Variants in CDH6 observed in about 807,000 individuals in gnomAD.
CDH6 encodes cadherin 6.
A neutral mutation model predicts 78.0 loss-of-function variants in CDH6; 31 were observed. The ratio of observed to expected loss-of-function variants is 0.40; its 90% CI spans 0.30 to 0.54. The LOEUF is 0.54. Ranked by LOEUF, CDH6 falls within the 20% of genes least tolerant of loss-of-function variation. The pLI, the probability that CDH6 is intolerant of heterozygous loss-of-function variation, is 0.56. For synonymous variants in CDH6, 376 were observed against 368.8 expected (o/e 1.02, Z -0.23); for missense variants, 724 against 975.9 (o/e 0.74, Z 3.44).
At chr5:31,322,336 G>GT (rs1192469733) in intron 11 of CDH6, among the ~76,000 whole-genome samples, 3 of 147,778 alleles carry the variant, frequency 2.0e-5, no homozygotes, top group Non-Finnish European at 4.4e-5. Context: ...CTTTTCTCAG[G>GT]TAAAAAAAAA....
In CDH6 at chr5:31,293,984, G is replaced by A. The variant is rs1388640262; in HGVS notation, c.251G>A (p.Gly84Glu). ...TAGTTACATTCAGACCAGGATAGAG[G>A]AGATGGATCACTTAAATATATCCTT... ...VGKLHSDQDR[G>E]DGSLKYILSG... Residue 84 changes from glycine to glutamate, a missense_variant, in exon 3 of 12, where the codon GGA becomes GAA. By Grantham distance (98) the Gly-to-Glu change is moderately conservative. Transcript: ENST00000265071. 6 of 1,609,432 alleles carry A rather than the reference G, an allele frequency of 3.7e-6. No individual in the cohort carries two copies. Among genetic ancestry groups the A allele is most frequent in the South Asian group, 3.3e-5 (3 of 90,928 alleles).
chr5:31,198,727 A>G (rs561191489), intron 1 of CDH6, among the ~76,000 whole-genome samples: 1 of 152,234 alleles, frequency 6.6e-6, no homozygotes, highest in Admixed American at 6.5e-5. Flanking sequence ...TAGAAATAGA[A>G]TCAAAATTGC....
chr5:31,207,903 G>C (rs578208306), intron 1 of CDH6, among the ~76,000 whole-genome samples: 1 of 152,272 alleles, frequency 6.6e-6, no homozygotes, highest in African/African-American at 2.4e-5. Context: ...TGACCTTGGT[G>C]CCTGTTGGGG....
intron 1 of CDH6, among the ~76,000 whole-genome samples, chr5:31,199,520 A>G (rs1311546634): frequency 1.0e-5 from 1 of 98,400 alleles, no homozygotes; most frequent in Non-Finnish European, 2.4e-5. Context: ...ATATGTACAC[A>G]CACATATGTG....
In CDH6 at chr5:31,317,853, C is replaced by A; in HGVS notation, c.1811C>A (p.Ala604Glu). 6.2e-7 allele frequency: 1 copy of A among 1,614,018 alleles called. No individual in the cohort carries two copies. Among genetic ancestry groups the A allele is most frequent in the Non-Finnish European group, 8.5e-7 (1 of 1,179,938 alleles). ...AACATGCAATCCTGCCATGCGGAGG[C>A]GCTCATCCACCCCACGGGACTGAGC... ...HGNMQSCHAE[A>E]LIHPTGLSTG... is the part of the protein sequence containing the mutation. Residue 604 changes from alanine to glutamate, a missense_variant, in exon 11 of 12, where the codon GCG becomes GAG. Physicochemically the swap from Ala to Glu is moderately radical, Grantham distance 107. This residue lies in a region of CDH6 where 220 missense variants were observed against 240.6 expected (regional missense o/e 0.91). Transcript: ENST00000265071.
At chr5:31,266,674 G>A (rs1742367173) in intron 1 of CDH6, among the ~76,000 whole-genome samples, 1 of 152,040 alleles carries the variant, frequency 6.6e-6, no homozygotes, top group South Asian at 2.1e-4. Context: ...TTTGGGAAAT[G>A]CTGGATTAAA....
At chr5:31,300,643 A>G (rs1308294197) in intron 5 of CDH6, among the ~76,000 whole-genome samples, 1 of 152,186 alleles carries the variant, frequency 6.6e-6, no homozygotes. Context: ...CTACTTTTTA[A>G]TATGGAGATT....
At chr5:31,268,574 A>G (rs1742427375) in intron 2 of CDH6, among the ~76,000 whole-genome samples, 1 of 152,338 alleles carries the variant, frequency 6.6e-6, no homozygotes. Flanking sequence ...TGTGCCTCAT[A>G]AGGTAATGTT....
In CDH6 at chr5:31,233,527, C is replaced by A. The variant is rs868380425; in HGVS notation, c.-128-33819C>A. On this transcript the variant is annotated intron_variant, in intron 1 of 11. Coordinates refer to ENST00000265071, the MANE Select transcript of CDH6 (RefSeq NM_004932.4). ...GGGACTCTGTCTCAAAAAAAAAAAACAAAACAAAAACTTTGCTTATCATAT... is the reference window on the plus strand; with the variant it reads ...GGGACTCTGTCTCAAAAAAAAAAAAAAAAACAAAAACTTTGCTTATCATAT... 4.9e-3 allele frequency among the ~76,000 whole-genome samples: 389 copies of A among 79,382 alleles called. 4 individuals carry two copies. The highest frequency in any genetic ancestry group is 0.016 in the African/African-American group (369 of 22,544). The allele number at this position is 79,382 out of a possible 152,430, so 52.1% of individuals were successfully genotyped here. A position where few individuals can be genotyped will look rare whatever the true frequency, so the allele number is the denominator to read the frequency against.
At position 31,324,340 on chromosome 5, in the gene CDH6, TTA is replaced by T; in HGVS notation, c.*1033_*1034del. 4.7e-6 allele frequency: 1 copy of T among 213,786 alleles called. No homozygotes were observed. Among genetic ancestry groups the T allele is most frequent in the South Asian group, 1.9e-4 (1 of 5,352 alleles). The allele number at this position is 213,786 out of a possible 1,614,324, so 13.2% of individuals were successfully genotyped here. A position where few individuals can be genotyped will look rare whatever the true frequency, so the allele number is the denominator to read the frequency against. On this transcript the variant is annotated 3_prime_UTR_variant, in exon 12 of 12. Transcript: ENST00000265071. ...TTAGTAAAGTTAGATTAAATAAAAC[TTA>T]AATCTCACTCTAGGAGTTCAGTGGA... is the stretch of plus-strand genomic sequence containing the variant.
intron 8 of CDH6, among the ~76,000 whole-genome samples, chr5:31,315,546 C>T (rs1407835436): frequency 3.3e-5 from 5 of 152,208 alleles, no homozygotes; most frequent in South Asian, 2.1e-4. Context: ...ACATTGATTC[C>T]GCTTTATCAT....
chr5:31,297,706 G>T (rs1028597365), intron 4 of CDH6, among the ~76,000 whole-genome samples: 1 of 152,168 alleles, frequency 6.6e-6, no homozygotes, highest in African/African-American at 2.4e-5. Flanking sequence ...GTATTGGCCT[G>T]TTTACAGATA....
chr5:31,297,223 T>C, intron 3 of CDH6, 66 bp from the exon 4 acceptor site: 1 of 1,375,048 alleles, frequency 7.3e-7, no homozygotes, highest in Non-Finnish European at 1.0e-6. Context: ...CGTGCTGGTT[T>C]TGGTGTGTGT....
chr5:31,217,385 C>T (rs2111823099), intron 1 of CDH6, among the ~76,000 whole-genome samples: 1 of 152,252 alleles, frequency 6.6e-6, no homozygotes, highest in Non-Finnish European at 1.5e-5. Flanking sequence ...TCTGTTCTTT[C>T]ATATTCTATT....
intron 2 of CDH6, among the ~76,000 whole-genome samples, chr5:31,285,646 A>G (rs1349039467): frequency 1.3e-5 from 2 of 152,218 alleles, no homozygotes; most frequent in Non-Finnish European, 2.9e-5. Context: ...TTTCCATGAA[A>G]TAGAGCATTT....
chr5:31,234,178 CT>C (rs1185927756), intron 1 of CDH6, among the ~76,000 whole-genome samples: 3 of 151,652 alleles, frequency 2.0e-5, no homozygotes, highest in African/African-American at 7.3e-5. Context: ...TTTTTTTATT[CT>C]TTATTAACAT....
In CDH6 at chr5:31,299,619, C is replaced by T; in HGVS notation, c.799C>T (p.Arg267Ter). ...TLTDVNDNPP[R>*]FPQSTYQFKT... ...GACTGATGTCAACGACAACCCTCCCCGATTCCCCCAGAGTAGGAACATTTG... is the reference window on the plus strand; with the variant it reads ...GACTGATGTCAACGACAACCCTCCCTGATTCCCCCAGAGTAGGAACATTTG... Residue 267 changes from arginine (R) to a stop codon, truncating the protein, a stop_gained, in exon 5 of 12, where the codon CGA becomes TGA. Transcript: ENST00000265071. LOFTEE classifies it high-confidence loss of function. 1.2e-6 allele frequency: 2 copies of T among 1,612,274 alleles called. No individual in the cohort carries two copies.
At chr5:31,207,801 C>T (rs114509517) in intron 1 of CDH6, among the ~76,000 whole-genome samples, 278 of 152,216 alleles carry the variant, frequency 1.8e-3, no homozygotes, top group African/African-American at 6.5e-3. Context: ...TTGGATACAT[C>T]GAGGCAATAC....
At chr5:31,312,500 A>G (rs1738186673) in intron 7 of CDH6, among the ~76,000 whole-genome samples, 2 of 152,302 alleles carry the variant, frequency 1.3e-5, no homozygotes, top group Admixed American at 1.3e-4. Flanking sequence ...GGAGTTCAAG[A>G]CCAGCCCGGG....
Sources: allele counts gnomAD v4.1 joint callset (sites outside exome capture counted in the v4.1 genomes callset), GRCh38; gene constraint gnomAD v4.1.1; regional missense constraint gnomAD v4.1.1; transcripts MANE v1.5; gene names NCBI Gene and HGNC (gene_info 2026-07-23, HGNC 2026-07-21).